The following FRMPD2 variants were observed in gnomAD, a reference collection of about 807,000 sequenced individuals.
FRMPD2 encodes the protein FERM and PDZ domain-containing protein 2.
Under a neutral mutation model 140.1 loss-of-function variants are expected in FRMPD2, and 96 were observed. The ratio of observed to expected loss-of-function variants is 0.69; its 90% CI spans 0.58 to 0.81. The LOEUF is 0.81. Among genes scored for constraint, FRMPD2 ranks in the 40% least tolerant of loss-of-function variants. The pLI, the probability that FRMPD2 is intolerant of heterozygous loss-of-function variation, is 0.00. For synonymous variants in FRMPD2, 449 were observed against 547.6 expected (o/e 0.82, Z 2.52); for missense variants, 1,240 against 1,447.4 (o/e 0.86, Z 2.32).
chr10:48,186,903 A>C (rs1050574017), intron 17 of FRMPD2, among the ~76,000 whole-genome samples: 3 of 150,412 alleles, frequency 2.0e-5, no homozygotes, highest in Non-Finnish European at 4.5e-5. Context: ...GCATATCTAC[A>C]GTGAATGGTG....
Position 48,174,946 on chromosome 10 carries a change from A to G in FRMPD2, c.2999T>C (p.Leu1000Pro). The G allele has an allele frequency of 5.5e-6, 4 of 723,834 alleles. No individual in the cohort carries two copies. The highest frequency in any genetic ancestry group is 7.4e-6 in the Non-Finnish European group (3 of 406,726). 44.8% of individuals were successfully genotyped at this position (723,834 alleles called of 1,614,324 possible). The part of the protein sequence containing the change: ...KEGQILQGDR[L>P]LQVDGVILCG... The stretch of plus-strand genomic sequence containing the variant: ...CAGAATCACTCCATCCACCTGCAGG[A>G]GTCGGTCACCTGGGAAAGGGATAGA... Residue 1000 changes from leucine (L) to proline (P), a missense_variant, in exon 24 of 29, where the codon CTC becomes CCC. Physicochemically the swap from Leu to Pro is moderately conservative, Grantham distance 98. Transcript: ENST00000374201.
At chr10:48,233,572 C>T (rs1019027178) in intron 9 of FRMPD2, among the ~76,000 whole-genome samples, 1 of 152,108 alleles carries the variant, frequency 6.6e-6, no homozygotes, top group African/African-American at 2.4e-5. Flanking sequence ...ATAATGGGCC[C>T]CTGCTTGGGT....
chr10:48,223,354 A>G, intron 10 of FRMPD2, 84 bp from the exon 11 acceptor site: 1 of 1,373,514 alleles, frequency 7.3e-7, no homozygotes, highest in African/African-American at 1.4e-5. Context: ...AGCCCTACCC[A>G]GAGTGTCACA....
At chr10:48,201,142 C>T (rs1839075399) in intron 15 of FRMPD2, 86 bp downstream of exon 15, 2 of 1,000,246 alleles carry the variant, frequency 2.0e-6, no homozygotes, top group Non-Finnish European at 2.8e-6. Flanking sequence ...TAGAGGTCCC[C>T]AGATCAATTG....
chr10:48,250,609 T>C (rs936635943), intron 2 of FRMPD2, among the ~76,000 whole-genome samples: 9 of 152,108 alleles, frequency 5.9e-5, no homozygotes, highest in Non-Finnish European at 2.9e-5. Context: ...GGTTTCACCA[T>C]GTTGGCCAGG....
intron 8 of FRMPD2, 85 bp downstream of exon 8, chr10:48,237,906 G>A: frequency 6.6e-7 from 1 of 1,504,604 alleles, no homozygotes; most frequent in Non-Finnish European, 9.2e-7. Context: ...AGAAGACCCT[G>A]CCCATTTTCA....
intron 10 of FRMPD2, among the ~76,000 whole-genome samples, chr10:48,229,197 C>T (rs1839795477): frequency 6.6e-6 from 1 of 151,980 alleles, no homozygotes; most frequent in Non-Finnish European, 1.5e-5. Context: ...GTTTCTTGTG[C>T]TCTGTGCTGT....
intron 1 of FRMPD2, among the ~76,000 whole-genome samples, chr10:48,259,978 G>C (rs1375446556): frequency 6.6e-6 from 1 of 152,100 alleles, no homozygotes; most frequent in Non-Finnish European, 1.5e-5. Flanking sequence ...GAACCAATAA[G>C]ATGTATAGAT....
At position 48,222,396 on chromosome 10, in the gene FRMPD2, C is replaced by T. The variant is rs778076413; in HGVS notation, c.1372G>A (p.Glu458Lys). ...ATCTCTTCATTGCAGTACAGCCTCT[C>T]CTCCAGGATATCTTTCCGAAGCTGC... ...YLQLRKDILEERLYCNEEILL... is the reference protein window; with the variant it reads ...YLQLRKDILEKRLYCNEEILL... The change falls in exon 12 of 29, where the codon GAG (glutamate) becomes AAG (lysine). Residue 458 changes from glutamate to lysine, a missense_variant. Coordinates refer to ENST00000374201, the MANE Select transcript of FRMPD2 (RefSeq NM_001018071.4). The T allele has an allele frequency of 2.5e-5, 40 of 1,614,046 alleles. No individual in the cohort carries two copies. Among genetic ancestry groups the T allele is most frequent in the Middle Eastern group, 1.6e-4 (1 of 6,084 alleles).
rs71023202 is a variant in FRMPD2, at chr10:48,162,918, TAA to T, written c.3881+408_3881+409del. 3.7e-3 allele frequency among the ~76,000 whole-genome samples: 366 copies of T among 98,940 alleles called. 6 individuals are homozygous for T. Among genetic ancestry groups the T allele is most frequent in the Middle Eastern group, 0.02 (3 of 148 alleles). The allele number at this position is 98,940 out of a possible 152,430, so 64.9% of individuals were successfully genotyped here. A position where few individuals can be genotyped will look rare whatever the true frequency, so the allele number is the denominator to read the frequency against. ...GGGCAACATAGTAAGACCCCATCTT[TAA>T]AAAAAAAAAAAAAAAAAAAAGCTGA... On this transcript the variant is annotated intron_variant, in intron 28 of 28. Coordinates refer to ENST00000374201, the MANE Select transcript of FRMPD2 (RefSeq NM_001018071.4).
rs543282363 is a variant in FRMPD2 at position 48,185,411 on chromosome 10, A to C, written c.2359+142T>G. On this transcript the variant is annotated intron_variant, in intron 18 of 28. Coordinates refer to ENST00000374201, the MANE Select transcript of FRMPD2 (RefSeq NM_001018071.4). ...AGGAACAATTAAAGGGAGAAAAAAA[A>C]CAGAAGTGATTACCAGAAAAGGCAG... is the stretch of plus-strand genomic sequence containing the variant. The C allele has an allele frequency of 3.8e-4, 242 of 634,074 alleles. 1 individual carries two copies. The highest frequency in any genetic ancestry group is 5.5e-4 in the Non-Finnish European group (194 of 355,236). The allele number at this position is 634,074 out of a possible 1,614,324, so 39.3% of individuals were successfully genotyped here. A position where few individuals can be genotyped will look rare whatever the true frequency, so the allele number is the denominator to read the frequency against.
At chr10:48,221,403 A>G (rs1325409623) in intron 12 of FRMPD2, among the ~76,000 whole-genome samples, 1 of 152,214 alleles carries the variant, frequency 6.6e-6, no homozygotes, top group Admixed American at 6.5e-5. Flanking sequence ...GCGAAAACAT[A>G]AGAATGATAC....
At chr10:48,249,622 G>T (rs1248818691) in intron 2 of FRMPD2, among the ~76,000 whole-genome samples, 1 of 152,160 alleles carries the variant, frequency 6.6e-6, no homozygotes, top group African/African-American at 2.4e-5. Flanking sequence ...CCCATGCTGG[G>T]ACCCATCGCC....
intron 25 of FRMPD2, 137 bp from the exon 26 acceptor site, chr10:48,171,345 G>C (rs1171529127): frequency 1.4e-6 from 1 of 718,638 alleles, no homozygotes; most frequent in African/African-American, 1.7e-5. Flanking sequence ...TTTTATGACA[G>C]AGTACATTAT....
intron 25 of FRMPD2, among the ~76,000 whole-genome samples, chr10:48,171,537 A>G (rs1474038344): frequency 6.6e-6 from 1 of 152,308 alleles, no homozygotes; most frequent in East Asian, 1.9e-4. Flanking sequence ...TCGTACATCT[A>G]ATTTAATCCC....
chr10:48,215,150 T>C (rs1373426996), intron 12 of FRMPD2, among the ~76,000 whole-genome samples: 1 of 152,224 alleles, frequency 6.6e-6, no homozygotes. Flanking sequence ...TTCACAACAG[T>C]GGTTTCCAAA....
chr10:48,246,761 G>A (rs889606239), intron 3 of FRMPD2, among the ~76,000 whole-genome samples: 3 of 152,220 alleles, frequency 2.0e-5, no homozygotes, highest in Non-Finnish European at 2.9e-5. Context: ...CATTCTCCTA[G>A]CTCCTAGCTG....
intron 10 of FRMPD2, among the ~76,000 whole-genome samples, chr10:48,226,366 CT>C (rs1181622245): frequency 1.3e-5 from 2 of 152,206 alleles, no homozygotes; most frequent in Non-Finnish European, 2.9e-5. Flanking sequence ...CCGAACTCCT[CT>C]TTTTTCCAAA....
chr10:48,247,952 G>C (rs1840290175), intron 3 of FRMPD2, among the ~76,000 whole-genome samples: 1 of 152,162 alleles, frequency 6.6e-6, no homozygotes, highest in Non-Finnish European at 1.5e-5. Flanking sequence ...GGGAGGGGGT[G>C]CTGGAGCTGG....
Sources: gnomAD v4.1 joint callset for allele counts (sites outside exome capture counted in the v4.1 genomes callset) on GRCh38, gnomAD v4.1.1 for gene constraint, MANE v1.5 for transcripts, NCBI Gene and HGNC (gene_info 2026-07-23, HGNC 2026-07-21) for gene names.